NFIA: variants seen among roughly 807,000 people sequenced by gnomAD.
NFIA encodes nuclear factor 1 A-type.
NFIA carries 8 observed loss-of-function variants against 62.8 expected under a neutral mutation model. That is an observed-to-expected ratio of 0.13 (90% CI 0.07 to 0.23). The LOEUF (loss-of-function observed/expected upper bound fraction) is 0.23, where lower values mean the gene tolerates loss of function less well. Among genes scored for constraint, NFIA ranks in the 10% least tolerant of loss-of-function variants. The probability of loss-of-function intolerance (pLI) is 1.00; values close to 1 mark genes in which losing one functional copy is unlikely to be tolerated. For synonymous variants in NFIA, 235 were observed against 238.1 expected, an observed-to-expected ratio of 0.99 and a Z score of 0.12; for missense variants, 410 against 642.1, an observed-to-expected ratio of 0.64 and a Z score of 3.91.
chr1:61,447,394 A>G (rs1557446429), intron 10 of NFIA, among the ~76,000 whole-genome samples: 1 of 152,192 alleles, frequency 6.6e-6, no homozygotes, highest in Non-Finnish European at 1.5e-5. Flanking sequence ...TATGCGATAG[A>G]AAGTGTGGCC....
At chr1:61,373,861 C>G (rs1664024218) in intron 6 of NFIA, among the ~76,000 whole-genome samples, 1 of 151,430 alleles carries the variant, frequency 6.6e-6, no homozygotes, top group African/African-American at 2.4e-5. Flanking sequence ...TACTGTTGTA[C>G]AGCATGACCA....
chr1:61,358,387 T>C (rs1187719091), intron 5 of NFIA, among the ~76,000 whole-genome samples: 7 of 129,978 alleles, frequency 5.4e-5, no homozygotes, highest in African/African-American at 1.9e-4. Flanking sequence ...TTCTTTTTTT[T>C]TTTTTTTTTT....
intron 2 of NFIA, among the ~76,000 whole-genome samples, chr1:61,132,174 A>G (rs181914958): frequency 2.6e-5 from 4 of 152,342 alleles, no homozygotes; most frequent in African/African-American, 9.6e-5. Flanking sequence ...TGGTCAAAAA[A>G]GAATGAGGAA....
intron 10 of NFIA, among the ~76,000 whole-genome samples, chr1:61,431,088 G>C (rs906747473): frequency 4.6e-5 from 7 of 152,038 alleles, no homozygotes; most frequent in African/African-American, 1.7e-4. Context: ...AACGTGCCCT[G>C]CATGCCCACC....
chr1:61,355,734 C>T (rs551161628), intron 5 of NFIA, among the ~76,000 whole-genome samples: 2 of 152,128 alleles, frequency 1.3e-5, no homozygotes, highest in South Asian at 4.2e-4. Context: ...GCATCTGCCA[C>T]CACACGCGGC....
rs183913242 is a variant in NFIA at position 61,153,854 on chromosome 1, G to C, written c.559+65174G>C. Among the ~76,000 whole-genome samples, 104 of 152,324 alleles carry C rather than the reference G, an allele frequency of 6.8e-4. 1 individual carries two copies. Among genetic ancestry groups the C allele is most frequent in the Admixed American group, 4.0e-3 (61 of 15,304 alleles). ...TTTTCAGTTGTCTCCTTATTGGTCA[G>C]CTTAGAGAGGGCTCTACAAAACCTG... On this transcript the variant is annotated intron_variant, in intron 2 of 10. Transcript: ENST00000403491.
At chr1:61,353,085 T>C (rs1157857749) in intron 5 of NFIA, among the ~76,000 whole-genome samples, 1 of 152,146 alleles carries the variant, frequency 6.6e-6, no homozygotes, top group African/African-American at 2.4e-5. Context: ...CTCAGTGTCA[T>C]GCCCACAGCA....
intron 2 of NFIA, among the ~76,000 whole-genome samples, chr1:61,229,948 A>C (rs1027084916): frequency 6.6e-6 from 1 of 152,210 alleles, no homozygotes; most frequent in Non-Finnish European, 1.5e-5. Context: ...GGAAGAAAAC[A>C]AAGATGGCTG....
intron 2 of NFIA, among the ~76,000 whole-genome samples, chr1:61,234,046 C>T (rs1197135760): frequency 9.9e-5 from 15 of 152,120 alleles, no homozygotes. Flanking sequence ...GAGAATGGCT[C>T]TCCTTTCCAC....
chr1:61,310,531 A>G (rs927960951), intron 3 of NFIA, among the ~76,000 whole-genome samples: 1 of 152,106 alleles, frequency 6.6e-6, no homozygotes, highest in African/African-American at 2.4e-5. Flanking sequence ...GAGGGATCTT[A>G]AATGTCTCGT....
At position 61,359,255 on chromosome 1, in the gene NFIA, A is replaced by G. The variant is rs944089791; in HGVS notation, c.927A>G (p.Gly309=). 4 of 1,612,484 alleles carry G rather than the reference A, an allele frequency of 2.5e-6. No individual in the cohort carries two copies. Among genetic ancestry groups the G allele is most frequent in the Non-Finnish European group, 3.4e-6 (4 of 1,179,972 alleles). The change falls in exon 6 of 11, where the codon GGA becomes GGG. Residue 309 remains glycine (G), a synonymous_variant. Transcript: ENST00000403491. The stretch of plus-strand genomic sequence containing the variant: ...CAGGAAGTGGCAGTCAGTCAAGTGG[A>G]TGGCATGAAGTGGAGCCAGGTAAGC... ...RSPGSGSQSS[G]WHEVEPGMPS...
chr1:61,257,873 T>TC (rs1378025087), intron 2 of NFIA, among the ~76,000 whole-genome samples: 2 of 122,658 alleles, frequency 1.6e-5, no homozygotes, highest in Non-Finnish European at 3.6e-5. Context: ...TTTTTTTTTT[T>TC]TTTCTTTTTT....
intron 3 of NFIA, among the ~76,000 whole-genome samples, chr1:61,322,398 G>A (rs2100370757): frequency 6.6e-6 from 1 of 152,218 alleles, no homozygotes; most frequent in South Asian, 2.1e-4. Context: ...GCCTAAGTTG[G>A]CAGGATGGTT....
upstream of NFIA, among the ~76,000 whole-genome samples, chr1:61,081,392 T>C (rs1646093297): frequency 6.6e-6 from 1 of 152,030 alleles, no homozygotes; most frequent in Admixed American, 6.6e-5. Context: ...TTAAGAACTA[T>C]TACCTGGGGG....
chr1:61,249,668 G>A (rs773208922), intron 2 of NFIA, among the ~76,000 whole-genome samples: 8 of 152,074 alleles, frequency 5.3e-5, no homozygotes, highest in South Asian at 2.1e-4. Flanking sequence ...AGCTGGGCGC[G>A]GTGGCAGTCG....
At chr1:61,117,749 T>G (rs1164679472) in intron 2 of NFIA, among the ~76,000 whole-genome samples, 1 of 152,196 alleles carries the variant, frequency 6.6e-6, no homozygotes, top group Non-Finnish European at 1.5e-5. Context: ...ATGTATTTAT[T>G]GAGCACCTGC....
chr1:61,196,950 C>T (rs962580721), intron 2 of NFIA, among the ~76,000 whole-genome samples: 6 of 149,636 alleles, frequency 4.0e-5, no homozygotes, highest in Admixed American at 1.3e-4. Flanking sequence ...TGCGCGCGCG[C>T]GCTGTGTGTG....
chr1:61,156,177 T>G (rs1309488307), intron 2 of NFIA, among the ~76,000 whole-genome samples: 1 of 152,194 alleles, frequency 6.6e-6, no homozygotes, highest in South Asian at 2.1e-4. Flanking sequence ...TAAACCCTCC[T>G]GGACTCATAG....
chr1:61,233,288 C>T (rs1468259610), intron 2 of NFIA, among the ~76,000 whole-genome samples: 1 of 152,168 alleles, frequency 6.6e-6, no homozygotes, highest in Non-Finnish European at 1.5e-5. Context: ...TTTTCCCAAG[C>T]CTTAAATGCA....
Sources: allele counts gnomAD v4.1 joint callset (sites outside exome capture counted in the v4.1 genomes callset), GRCh38; gene constraint gnomAD v4.1.1; transcripts MANE v1.5; gene names NCBI Gene and HGNC (gene_info 2026-07-23, HGNC 2026-07-21).